ZNF567: variants seen among roughly 807,000 people sequenced by gnomAD.
The protein encoded by ZNF567 is zinc finger protein 567.
In ZNF567, 36 loss-of-function variants were observed where a neutral mutation model predicts 53.9. That is an observed-to-expected ratio of 0.67 (90% CI 0.51 to 0.88). ZNF567 has a LOEUF of 0.88. Among genes scored for constraint, ZNF567 ranks in the 40% least tolerant of loss-of-function variants. ZNF567 has a pLI of 0.00. For missense variants in ZNF567, 619 were observed against 764.7 expected, an observed-to-expected ratio of 0.81 and a Z score of 2.25; for synonymous variants, 224 against 260.4, an observed-to-expected ratio of 0.86 and a Z score of 1.35.
upstream of ZNF567, chr19:36,685,549 G>A (rs1482602336): frequency 1.3e-5 from 2 of 152,164 alleles, no homozygotes; most frequent in African/African-American, 4.8e-5. Flanking sequence ...AGGGAAGTTA[G>A]TAGTTAAATA....
In ZNF567 at chr19:36,712,865, T is replaced by C; in HGVS notation, c.221T>C (p.Leu74Ser). The C allele has an allele frequency of 6.2e-7, 1 of 1,612,582 alleles. No homozygotes were observed. The change falls in exon 5 of 6, where the codon TTG (leucine) becomes TCG (serine). Residue 74 changes from leucine to serine, a missense_variant and splice_region_variant. Leu to Ser is a moderately radical substitution (Grantham distance 145). Transcript: ENST00000682579. ...ACATCATTTGCAGGTCATACCTGCT[T>C]GGGTGAGTTTCTGGCTCTTAGGCAG... Reference protein sequence around the residue: ...PWTSFAGHTCLEENWKAEDFL... With the variant: ...PWTSFAGHTCSEENWKAEDFL...
intron 3 of ZNF567, among the ~76,000 whole-genome samples, chr19:36,708,450 C>T (rs550068899): frequency 6.6e-6 from 1 of 152,060 alleles, no homozygotes; most frequent in Non-Finnish European, 1.5e-5. Flanking sequence ...TAATTTAGTC[C>T]GATTCCTGGA....
Position 36,719,527 on chromosome 19 carries a change from T to C in ZNF567, c.803T>C (p.Leu268Ser). 6.2e-7 allele frequency: 1 copy of C among 1,614,038 alleles called. No homozygotes were observed. The highest frequency in any genetic ancestry group is 8.5e-7 in the Non-Finnish European group (1 of 1,179,984). Residue 268 changes from leucine (L) to serine (S), a missense_variant, in exon 6 of 6, where the codon TTG (leucine) becomes TCG (serine). Transcript: ENST00000682579. ...CGKSFCRKSV[L>S]ILHQGIHSEE... ...AAATCTTTCTGCAGGAAATCAGTATTGATTCTGCATCAGGGAATTCACTCA... is the reference window on the plus strand; with the variant it reads ...AAATCTTTCTGCAGGAAATCAGTATCGATTCTGCATCAGGGAATTCACTCA...
chr19:36,709,961 G>A (rs2039692080), intron 3 of ZNF567, among the ~76,000 whole-genome samples: 1 of 152,182 alleles, frequency 6.6e-6, no homozygotes, highest in Admixed American at 6.5e-5. Flanking sequence ...TAAACTCCTT[G>A]AATATGTAAA....
At chr19:36,723,427 C>G (rs138763958), downstream of ZNF567, 104 of 552,552 alleles carry the variant, frequency 1.9e-4, no homozygotes, top group African/African-American at 1.7e-3. Context: ...AACATTGTAT[C>G]CAATGTCCAC....
intron 2 of ZNF567, among the ~76,000 whole-genome samples, chr19:36,690,271 T>C (rs2038530512): frequency 6.6e-6 from 1 of 152,206 alleles, no homozygotes; most frequent in Non-Finnish European, 1.5e-5. Context: ...ACTAATTACA[T>C]GATATGTTAT....
intron 3 of ZNF567, among the ~76,000 whole-genome samples, chr19:36,710,584 C>T (rs1473542270): frequency 6.6e-6 from 1 of 152,160 alleles, no homozygotes; most frequent in Non-Finnish European, 1.5e-5. Context: ...GATATATCCT[C>T]TTAGTTCTTC....
chr19:36,694,630 G>A (rs1443770356), intron 2 of ZNF567, among the ~76,000 whole-genome samples, 172 bp from the exon 3 acceptor site: 1 of 152,112 alleles, frequency 6.6e-6, no homozygotes, highest in Non-Finnish European at 1.5e-5. Context: ...CTCTGGCCTT[G>A]GGGATAAAAC....
intron 2 of ZNF567, among the ~76,000 whole-genome samples, chr19:36,691,848 A>G (rs550040273): frequency 2.8e-4 from 43 of 152,030 alleles, no homozygotes; most frequent in African/African-American, 5.1e-4. Context: ...GAGTCTCACT[A>G]TGTTGCCCAG....
chr19:36,672,288 G>A, the ZNF567 span, among the ~76,000 whole-genome samples: 1 of 152,184 alleles, frequency 6.6e-6, no homozygotes, highest in African/African-American at 2.4e-5. Flanking sequence ...AACTTGGAAG[G>A]AACATTATTT....
chr19:36,696,466 G>T (rs1218333013), intron 3 of ZNF567, among the ~76,000 whole-genome samples: 1 of 152,118 alleles, frequency 6.6e-6, no homozygotes, highest in East Asian at 1.9e-4. Context: ...GATCCTTCAT[G>T]CACATGTCTG....
Position 36,718,964 on chromosome 19 carries a change from T to C in ZNF567, c.240T>C (p.Ala80=), listed in dbSNP as rs34642314. 0.12 allele frequency: 182,881 copies of C among 1,561,406 alleles called. 12,038 individuals carry two copies. Among genetic ancestry groups the C allele is most frequent in the Non-Finnish European group, 0.13 (154,273 of 1,160,942 alleles). The part of the protein sequence containing the change: ...GHTCLEENWK[A]EDFLVKFKEH... The stretch of plus-strand genomic sequence containing the variant: ...CTTTTCTAGAAGAAAACTGGAAAGC[T>C]GAAGACTTTTTAGTGAAATTCAAGG... Residue 80 remains alanine (A), a synonymous_variant, in exon 6 of 6, where the codon GCT becomes GCC. Coordinates refer to ENST00000682579, the MANE Select transcript of ZNF567 (RefSeq NM_001322917.1).
chr19:36,708,602 A>G (rs567175431), intron 3 of ZNF567, among the ~76,000 whole-genome samples: 7 of 152,274 alleles, frequency 4.6e-5, no homozygotes, highest in Admixed American at 3.9e-4. Flanking sequence ...TCACTGCCCT[A>G]AAAATCCTCT....
At chr19:36,724,503 C>T (rs1313737514), downstream of ZNF567, among the ~76,000 whole-genome samples, 3 of 151,220 alleles carry the variant, frequency 2.0e-5, no homozygotes, top group Admixed American at 6.6e-5. Flanking sequence ...GCCAACATGG[C>T]GAAACCCCAT....
chr19:36,685,575 A>G (rs767309035), upstream of ZNF567: 1 of 152,232 alleles, frequency 6.6e-6, no homozygotes, highest in Non-Finnish European at 1.5e-5. Context: ...CCACATATCC[A>G]TGTAATATAA....
chr19:36,675,664 C>G, the ZNF567 span, among the ~76,000 whole-genome samples: 1 of 152,082 alleles, frequency 6.6e-6, no homozygotes, highest in Non-Finnish European at 1.5e-5. Context: ...CAGAGCGAGA[C>G]TCCGTCTCAA....
chr19:36,693,922 G>A (rs1020665757), intron 2 of ZNF567, among the ~76,000 whole-genome samples: 3 of 152,160 alleles, frequency 2.0e-5, no homozygotes, highest in Admixed American at 1.3e-4. Context: ...TTTGGGGCCG[G>A]GCACAATGGC....
chr19:36,683,661 G>A (rs932648954), upstream of ZNF567, among the ~76,000 whole-genome samples: 2 of 151,954 alleles, frequency 1.3e-5, no homozygotes, highest in South Asian at 2.1e-4. Context: ...GTGAAACCCC[G>A]TCTCTACTAA....
intron 3 of ZNF567, among the ~76,000 whole-genome samples, chr19:36,700,759 G>A (rs905359895): frequency 2.0e-5 from 3 of 151,974 alleles, no homozygotes; most frequent in Admixed American, 6.6e-5. Context: ...CTGTGGGATC[G>A]GTGGTGATAT....
Sources: allele counts gnomAD v4.1 joint callset (sites outside exome capture counted in the v4.1 genomes callset), GRCh38; gene constraint gnomAD v4.1.1; transcripts MANE v1.5; gene names NCBI Gene and HGNC (gene_info 2026-07-23, HGNC 2026-07-21).